The following HACD2 variants were observed in gnomAD, a reference collection of about 807,000 sequenced individuals.
The protein encoded by HACD2 is 3-hydroxyacyl-CoA dehydratase 2.
A neutral mutation model predicts 31.0 loss-of-function variants in HACD2; 15 were observed. The observed-to-expected ratio is 0.48, with a 90% confidence interval of 0.32 to 0.75. The LOEUF (loss-of-function observed/expected upper bound fraction) is 0.75. HACD2 is among the 30% of genes least tolerant of loss of function. The probability of loss-of-function intolerance (pLI) is 0.03; values close to 1 mark genes in which losing one functional copy is unlikely to be tolerated. For missense variants in HACD2, 283 were observed against 313.0 expected, an observed-to-expected ratio of 0.90 and a Z score of 0.72; for synonymous variants, 115 against 122.2, an observed-to-expected ratio of 0.94 and a Z score of 0.39.
chr3:123,507,797 G>A (rs2107686289), intron 4 of HACD2, among the ~76,000 whole-genome samples: 1 of 152,244 alleles, frequency 6.6e-6, no homozygotes, highest in South Asian at 2.1e-4. Flanking sequence ...ATGTTCTAAA[G>A]TTAGATTATG....
At chr3:123,520,449 A>G (rs1174083030) in intron 4 of HACD2, among the ~76,000 whole-genome samples, 1 of 152,222 alleles carries the variant, frequency 6.6e-6, no homozygotes, top group Non-Finnish European at 1.5e-5. Context: ...TTAAAATACA[A>G]TTACACTGAA....
At chr3:123,529,579 TTA>T (rs1258833786) in intron 3 of HACD2, among the ~76,000 whole-genome samples, 1 of 152,018 alleles carries the variant, frequency 6.6e-6, no homozygotes, top group Non-Finnish European at 1.5e-5. Flanking sequence ...AAAAAACATA[TTA>T]GCTCGCCATG....
At chr3:123,542,680 T>C (rs1576765179) in intron 3 of HACD2, among the ~76,000 whole-genome samples, 1 of 152,266 alleles carries the variant, frequency 6.6e-6, no homozygotes, top group East Asian at 1.9e-4. Flanking sequence ...GAACAACTTG[T>C]TCTCCACTGA....
At chr3:123,522,542 T>C (rs1294193193) in intron 4 of HACD2, among the ~76,000 whole-genome samples, 1 of 152,154 alleles carries the variant, frequency 6.6e-6, no homozygotes, top group African/African-American at 2.4e-5. Flanking sequence ...GGCAAAAGGA[T>C]CCAGCTAGCT....
rs2056384254 is a variant in HACD2, at chr3:123,533,107, A to G, written c.293-4633T>C. On this transcript the variant is annotated intron_variant, in intron 3 of 6. Coordinates refer to ENST00000383657, the MANE Select transcript of HACD2 (RefSeq NM_198402.5). ...TGTGATATTTTGTGTATGAGCTACC[A>G]CAAATCGTTGTAGAATGTGGAATAT... Among the ~76,000 whole-genome samples the G allele has an allele frequency of 2.0e-5, 3 of 152,208 alleles. No individual in the cohort carries two copies. The South Asian group carries it at 6.2e-4, about 32-fold the overall frequency.
intron 3 of HACD2, among the ~76,000 whole-genome samples, chr3:123,552,928 A>G (rs1353445225): frequency 6.6e-6 from 1 of 152,230 alleles, no homozygotes; most frequent in East Asian, 1.9e-4. Context: ...AGGATAAGCA[A>G]AGAAGAGGGA....
chr3:123,583,808 G>A (rs2056991995), intron 1 of HACD2, among the ~76,000 whole-genome samples: 1 of 152,196 alleles, frequency 6.6e-6, no homozygotes, highest in South Asian at 2.1e-4. Context: ...AGGGAGGGGA[G>A]CTGGGTAGAA....
At position 123,517,053 on chromosome 3, in the gene HACD2, T is replaced by C. The variant is rs78644452; in HGVS notation, c.381+11333A>G. Among the ~76,000 whole-genome samples the C allele has an allele frequency of 5.8e-3, 883 of 152,324 alleles. 12 individuals are homozygous for C. Among genetic ancestry groups the C allele is most frequent in the African/African-American group, 0.021 (854 of 41,574 alleles). On this transcript the variant is annotated intron_variant, in intron 4 of 6. Coordinates refer to ENST00000383657, the MANE Select transcript of HACD2 (RefSeq NM_198402.5). ...ACATATTAAGTGCTTAGCAAAGCCC[T>C]TGCCATTTAAGCAGTTACCATTATT...
intron 2 of HACD2, among the ~76,000 whole-genome samples, chr3:123,569,391 A>G (rs1559933231): frequency 6.6e-6 from 1 of 152,182 alleles, no homozygotes; most frequent in Admixed American, 6.5e-5. Context: ...ACACAGGATC[A>G]TATTCTGTCA....
chr3:123,509,487 C>T (rs1468538570), intron 4 of HACD2, among the ~76,000 whole-genome samples: 1 of 142,154 alleles, frequency 7.0e-6, no homozygotes, highest in Non-Finnish European at 1.5e-5. Flanking sequence ...TCCAACCTTC[C>T]CCTTCCTGTG....
In HACD2 at chr3:123,504,111, A is replaced by T. The variant is rs1430073911; in HGVS notation, c.382-1430T>A. On this transcript the variant is annotated intron_variant, in intron 4 of 6. Transcript: ENST00000383657. ...ATTAGCCAAAGAAAAGCAAAAGCTA[A>T]CCACCTCTAAAGCTTTCATGGTAAG... 2.0e-5 allele frequency among the ~76,000 whole-genome samples: 3 copies of T among 152,218 alleles called. No homozygotes were observed. The East Asian group carries it at 5.8e-4, about 29-fold the overall frequency.
At chr3:123,559,845 G>A (rs76512124) in intron 3 of HACD2, among the ~76,000 whole-genome samples, 17,215 of 152,188 alleles carry the variant, frequency 0.11, 1,543 homozygotes, top group African/African-American at 0.26. Context: ...CTCGGGGACT[G>A]TTTTTGCCTC....
rs1553760065 is a variant in HACD2, at chr3:123,542,165, A to AAG, written c.293-13692_293-13691insCT. Among the ~76,000 whole-genome samples, 56 of 148,374 alleles carry AAG rather than the reference A, an allele frequency of 3.8e-4. 3 individuals are homozygous for AAG. Among genetic ancestry groups the AAG allele is most frequent in the African/African-American group, 1.3e-3 (53 of 39,598 alleles). ...CCGTCTCAAAAAAAAAAAAAAAAAA[A>AAG]AAAAAAGAATACAAATTGTTTTTAT... On this transcript the variant is annotated intron_variant, in intron 3 of 6. Transcript: ENST00000383657.
chr3:123,577,253 C>T (rs965505251), intron 2 of HACD2, among the ~76,000 whole-genome samples: 8 of 152,290 alleles, frequency 5.3e-5, no homozygotes, highest in African/African-American at 1.9e-4. Context: ...AACAGTTAAC[C>T]TCTTTGCAGA....
chr3:123,576,744 C>T (rs2056911756), intron 2 of HACD2, among the ~76,000 whole-genome samples: 1 of 152,112 alleles, frequency 6.6e-6, no homozygotes, highest in African/African-American at 2.4e-5. Flanking sequence ...GTCTGAAGCA[C>T]AATACCTCCA....
At chr3:123,547,501 T>C (rs1185942426) in intron 3 of HACD2, among the ~76,000 whole-genome samples, 1 of 152,098 alleles carries the variant, frequency 6.6e-6, no homozygotes, top group Non-Finnish European at 1.5e-5. Flanking sequence ...CAGGTTCCTG[T>C]CAAGTTTAGG....
chr3:123,564,582 G>A (rs1352352983), intron 3 of HACD2, among the ~76,000 whole-genome samples: 1 of 152,160 alleles, frequency 6.6e-6, no homozygotes, highest in South Asian at 2.1e-4. Flanking sequence ...CTTTAGACCA[G>A]AGGGTGATTT....
chr3:123,530,560 C>G (rs1398111120), intron 3 of HACD2, among the ~76,000 whole-genome samples: 2 of 151,962 alleles, frequency 1.3e-5, no homozygotes, highest in Non-Finnish European at 2.9e-5. Flanking sequence ...AGGCATAAGC[C>G]ACCATGCCCG....
intron 3 of HACD2, among the ~76,000 whole-genome samples, chr3:123,530,846 C>G (rs1244207738): frequency 6.6e-6 from 1 of 152,034 alleles, no homozygotes; most frequent in Non-Finnish European, 1.5e-5. Flanking sequence ...GCCCCCATGC[C>G]CAGCTAAAGT....
Sources: allele counts gnomAD v4.1 joint callset (sites outside exome capture counted in the v4.1 genomes callset), GRCh38; gene constraint gnomAD v4.1.1; transcripts MANE v1.5; gene names NCBI Gene and HGNC (gene_info 2026-07-23, HGNC 2026-07-21).